The following PCDH15 variants were observed in gnomAD, a reference collection of about 807,000 sequenced individuals.
PCDH15 encodes the protein protocadherin related 15, also known as protocadherin-15.
PCDH15 carries 129 observed loss-of-function variants against 178.5 expected under a neutral mutation model. That is an observed-to-expected ratio of 0.72 (90% CI 0.63 to 0.84). PCDH15 has a LOEUF of 0.84. PCDH15 is among the 40% of genes least tolerant of loss of function. The probability of loss-of-function intolerance (pLI) is 0.00; values close to 1 mark genes in which losing one functional copy is unlikely to be tolerated. For synonymous variants in PCDH15, 800 were observed against 732.0 expected, an observed-to-expected ratio of 1.09 and a Z score of -1.50; for missense variants, 2,230 against 2,099.9, an observed-to-expected ratio of 1.06 and a Z score of -1.21.
rs970053047 is a variant in PCDH15, at chr10:54,282,811, G to C, written c.876+34460C>G. Among the ~76,000 whole-genome samples, 9 of 151,966 alleles carry C rather than the reference G, an allele frequency of 5.9e-5. No homozygotes were observed. In the South Asian group the frequency reaches 1.4e-3, roughly 24 times the overall value. The stretch of plus-strand genomic sequence containing the variant: ...TACAAATATTGTGAATAAAAGTATT[G>C]CTAGGATTTAGAAACTTTAACAAGT... On this transcript the variant is annotated intron_variant, in intron 8 of 37. Coordinates refer to ENST00000644397, the MANE Select transcript of PCDH15 (RefSeq NM_001384140.1).
At chr10:54,246,179 A>G (rs889064867) in intron 8 of PCDH15, among the ~76,000 whole-genome samples, 1 of 151,952 alleles carries the variant, frequency 6.6e-6, no homozygotes, top group Non-Finnish European at 1.5e-5. Flanking sequence ...TTCAAATATA[A>G]GTTATGAGAT....
chr10:55,037,527 C>T (rs921449603), intron 2 of PCDH15, among the ~76,000 whole-genome samples: 3 of 152,084 alleles, frequency 2.0e-5, no homozygotes, highest in Non-Finnish European at 4.4e-5. Flanking sequence ...CCACCGCACC[C>T]GGCCAATGAC....
chr10:54,294,382 G>T (rs971447371), intron 8 of PCDH15, among the ~76,000 whole-genome samples: 1 of 152,164 alleles, frequency 6.6e-6, no homozygotes, highest in Non-Finnish European at 1.5e-5. Flanking sequence ...GTTAATGGGT[G>T]CAGCAAACAA....
rs1471949404 is a variant in PCDH15, at chr10:53,888,288, A to ATATATATATATATATG, written c.3501+14954_3501+14955insCATATATATATATATA. 1.3e-3 allele frequency among the ~76,000 whole-genome samples: 73 copies of ATATATATATATATATG among 54,990 alleles called. 1 individual carries two copies. Among genetic ancestry groups the ATATATATATATATATG allele is most frequent in the South Asian group, 4.3e-3 (6 of 1,386 alleles). 36.1% of individuals were successfully genotyped at this position (54,990 alleles called of 152,430 possible). A position where few individuals can be genotyped will look rare whatever the true frequency, so the allele number is the denominator to read the frequency against. Reference sequence around the variant, plus strand: ...ACAAATAAACATTCCAACACTATATATACATATATATATATATATATGTAT... The same window carrying ATATATATATATATATG: ...ACAAATAAACATTCCAACACTATATATATATATATATATATGTACATATATATATATATATATGTAT... On this transcript the variant is annotated intron_variant, in intron 26 of 37. Coordinates refer to ENST00000644397, the MANE Select transcript of PCDH15 (RefSeq NM_001384140.1).
At chr10:54,287,908 T>A (rs188417280) in intron 8 of PCDH15, among the ~76,000 whole-genome samples, 1 of 152,150 alleles carries the variant, frequency 6.6e-6, no homozygotes, top group Non-Finnish European at 1.5e-5. Flanking sequence ...GGACGCTAGA[T>A]AAAACACTTG....
At chr10:53,856,047 GT>G (rs1170583689) in intron 28 of PCDH15, among the ~76,000 whole-genome samples, 2 of 150,922 alleles carry the variant, frequency 1.3e-5, no homozygotes, top group African/African-American at 2.4e-5. Flanking sequence ...AACATCATAT[GT>G]TTTCACTCAT....
At chr10:54,860,686 A>T (rs1399028399) in intron 3 of PCDH15, among the ~76,000 whole-genome samples, 2 of 152,160 alleles carry the variant, frequency 1.3e-5, no homozygotes, top group Non-Finnish European at 2.9e-5. Flanking sequence ...TGTCTGGGTC[A>T]TGTGGTAGTT....
chr10:55,506,851 TTATTTTGCA>T (rs1840770027), intron 2 of PCDH15, among the ~76,000 whole-genome samples: 1 of 151,542 alleles, frequency 6.6e-6, no homozygotes, highest in African/African-American at 2.4e-5. Context: ...TAGATTTATT[TTATTTTGCA>T]TAGTAACAAG....
At chr10:54,814,271 T>C (rs578210846) in intron 3 of PCDH15, among the ~76,000 whole-genome samples, 1 of 152,300 alleles carries the variant, frequency 6.6e-6, no homozygotes, top group African/African-American at 2.4e-5. Flanking sequence ...TATTCCAGAA[T>C]CTGGCATAAT....
At chr10:53,905,008 A>G (rs2082577023) in intron 25 of PCDH15, among the ~76,000 whole-genome samples, 1 of 152,168 alleles carries the variant, frequency 6.6e-6, no homozygotes, top group Non-Finnish European at 1.5e-5. Context: ...TACAATTTGC[A>G]AAGAACAAGA....
intron 3 of PCDH15, among the ~76,000 whole-genome samples, chr10:54,413,718 A>G (rs543253046): frequency 5.9e-5 from 9 of 152,294 alleles, no homozygotes; most frequent in African/African-American, 1.9e-4. Context: ...TAAAAAAATG[A>G]GAAATTATTC....
At chr10:54,756,431 A>C (rs539855313) in intron 1 of PCDH15, among the ~76,000 whole-genome samples, 116 of 152,026 alleles carry the variant, frequency 7.6e-4, no homozygotes, top group Non-Finnish European at 1.4e-3. Flanking sequence ...ACAGTGCAGG[A>C]CTCCATGTTT....
intron 2 of PCDH15, among the ~76,000 whole-genome samples, chr10:55,538,647 CT>C (rs748529147): frequency 1.0e-3 from 7 of 6,758 alleles, no homozygotes; most frequent in Admixed American, 5.1e-3. Context: ...CCCTTCCTTC[CT>C]TTCCTTCCTT....
chr10:54,152,019 T>C (rs899360291), intron 14 of PCDH15, among the ~76,000 whole-genome samples: 1 of 152,172 alleles, frequency 6.6e-6, no homozygotes, highest in African/African-American at 2.4e-5. Context: ...AGAAAATATA[T>C]GATATAATAA....
chr10:55,336,765 T>G (rs1844407381), intron 2 of PCDH15, among the ~76,000 whole-genome samples: 1 of 152,142 alleles, frequency 6.6e-6, no homozygotes, highest in Non-Finnish European at 1.5e-5. Context: ...CAGCTGTCCA[T>G]GAAAAACATA....
intron 2 of PCDH15, among the ~76,000 whole-genome samples, chr10:55,466,233 A>G (rs1278717067): frequency 1.3e-5 from 2 of 152,192 alleles, no homozygotes; most frequent in Non-Finnish European, 2.9e-5. Context: ...TGAAAATCAA[A>G]GTATACTAGA....
chr10:54,541,935 T>C (rs2085280627), intron 2 of PCDH15, among the ~76,000 whole-genome samples: 1 of 152,154 alleles, frequency 6.6e-6, no homozygotes, highest in Non-Finnish European at 1.5e-5. Context: ...GCAGAGTACT[T>C]TGACTACTAA....
intron 16 of PCDH15, among the ~76,000 whole-genome samples, chr10:54,088,003 C>G (rs939520071): frequency 2.0e-5 from 3 of 152,152 alleles, no homozygotes; most frequent in Non-Finnish European, 4.4e-5. Flanking sequence ...TTTAAGTTTC[C>G]TGAGGCTTCC....
intron 3 of PCDH15, among the ~76,000 whole-genome samples, chr10:54,454,346 G>A (rs915240540): frequency 5.4e-5 from 8 of 148,702 alleles, no homozygotes; most frequent in Admixed American, 2.7e-4. Flanking sequence ...GAATTACTGT[G>A]GGCAATTAAA....
Sources: allele counts gnomAD v4.1 joint callset (sites outside exome capture counted in the v4.1 genomes callset), GRCh38; gene constraint gnomAD v4.1.1; transcripts MANE v1.5; gene names NCBI Gene and HGNC (gene_info 2026-07-23, HGNC 2026-07-21).